Variants in NHERF1 observed in about 807,000 individuals in gnomAD.
NHERF1 encodes NHERF family PDZ scaffold protein 1.
chr17:74,749,256 C>T, the NHERF1 span: 1 of 1,529,428 alleles, frequency 6.5e-7, no homozygotes. This position sits in a 1 kb window ranked among gnomAD's most constrained non-coding sequence, Gnocchi z 5.6. Context: ...GAAAATGAGC[C>T]TCGCGAGGCC....
chr17:74,759,939 G>A, the NHERF1 span, among the ~76,000 whole-genome samples: 4 of 152,226 alleles, frequency 2.6e-5, no homozygotes, highest in Non-Finnish European at 5.9e-5. Context: ...AGGTTGTTAT[G>A]GGAAGGTTTT....
At chr17:74,768,377 G>C in the NHERF1 span, 1 of 1,490,652 alleles carries the variant, frequency 6.7e-7, no homozygotes, top group Non-Finnish European at 9.4e-7. Flanking sequence ...CCCTGGGCAC[G>C]GCCCCAACGG....
At chr17:74,765,302 C>A in the NHERF1 span, among the ~76,000 whole-genome samples, 1 of 151,934 alleles carries the variant, frequency 6.6e-6, no homozygotes, top group Non-Finnish European at 1.5e-5. Context: ...GCTCTGTCAC[C>A]CAGGCTGGAG....
chr17:74,768,515 G>A, the NHERF1 span: 118 of 1,613,992 alleles, frequency 7.3e-5, no homozygotes, highest in Admixed American at 2.0e-4. Flanking sequence ...CAGCGCCCTC[G>A]TCTACCTCCT....
At chr17:74,768,311 C>G in the NHERF1 span, 1 of 1,392,598 alleles carries the variant, frequency 7.2e-7, no homozygotes, top group African/African-American at 1.4e-5. Flanking sequence ...TCCTGGCACA[C>G]CAGCCTGCCT....
chr17:74,762,996 T>C, the NHERF1 span: 5 of 210,644 alleles, frequency 2.4e-5, no homozygotes, highest in Non-Finnish European at 4.8e-5. This position sits in a 1 kb window ranked among gnomAD's most constrained non-coding sequence, Gnocchi z 4.2. Context: ...CTCCCAAGAC[T>C]TCTCATTTTA....
the NHERF1 span, among the ~76,000 whole-genome samples, chr17:74,756,273 C>CTTTCT: frequency 9.7e-5 from 7 of 71,992 alleles, no homozygotes; most frequent in South Asian, 5.7e-4. Flanking sequence ...TTCTTTCTTT[C>CTTTCT]TTTTTTTTTT....
the NHERF1 span, among the ~76,000 whole-genome samples, chr17:74,755,511 G>A: frequency 6.6e-6 from 1 of 152,238 alleles, no homozygotes; most frequent in African/African-American, 2.4e-5. Flanking sequence ...AAAAGGACAA[G>A]AGTTACAGAT....
At chr17:74,768,410 A>G in the NHERF1 span, 1 of 1,586,506 alleles carries the variant, frequency 6.3e-7, no homozygotes, top group Non-Finnish European at 8.7e-7. Context: ...AAGGCTGAGG[A>G]CCAGGGAGCC....
chr17:74,768,084 C>T, the NHERF1 span: 2 of 1,136,816 alleles, frequency 1.8e-6, no homozygotes, highest in Non-Finnish European at 2.7e-6. Flanking sequence ...CAGGAGCTCC[C>T]TCCCTCCTCA....
the NHERF1 span, chr17:74,749,114 G>C: frequency 1.9e-6 from 3 of 1,578,696 alleles, no homozygotes; most frequent in South Asian, 3.4e-5. The surrounding 1 kb of genome is among the most constrained non-coding windows in gnomAD (Gnocchi z 5.6). Context: ...GCGCCTGCTG[G>C]TGGTCGACCC....
chr17:74,763,893 G>A, the NHERF1 span, among the ~76,000 whole-genome samples: 1 of 152,258 alleles, frequency 6.6e-6, no homozygotes, highest in Non-Finnish European at 1.5e-5. Flanking sequence ...ACTCCGGGGA[G>A]GCCTCCAGCC....
At chr17:74,756,721 A>T in the NHERF1 span, among the ~76,000 whole-genome samples, 6 of 151,986 alleles carry the variant, frequency 3.9e-5, no homozygotes, top group Non-Finnish European at 8.8e-5. Context: ...TGAGCAACTG[A>T]CTCCAGCTTT....
chr17:74,766,342 G>A, the NHERF1 span, among the ~76,000 whole-genome samples: 3 of 151,898 alleles, frequency 2.0e-5, no homozygotes, highest in African/African-American at 4.8e-5. Context: ...GATTACAGGC[G>A]TGTGCCACCA....
At chr17:74,749,124 C>A in the NHERF1 span, 1 of 1,571,082 alleles carries the variant, frequency 6.4e-7, no homozygotes, top group Non-Finnish European at 8.6e-7. The surrounding 1 kb of genome is among the most constrained non-coding windows in gnomAD (Gnocchi z 5.6). Context: ...GTGGTCGACC[C>A]CGAGACGGAC....
chr17:74,763,415 G>A, the NHERF1 span: 36 of 1,614,050 alleles, frequency 2.2e-5, no homozygotes, highest in African/African-American at 1.2e-4. Context: ...CGTGGTGTCC[G>A]CCATCAGGGC....
chr17:74,749,018 C>T, the NHERF1 span: 2 of 1,605,356 alleles, frequency 1.2e-6, no homozygotes, highest in East Asian at 2.2e-5. The surrounding 1 kb of genome is among the most constrained non-coding windows in gnomAD (Gnocchi z 5.6). Context: ...GGCGGGGGAC[C>T]GGCTGGTGGA....
chr17:74,752,702 C>G, the NHERF1 span, among the ~76,000 whole-genome samples: 1 of 152,192 alleles, frequency 6.6e-6, no homozygotes, highest in Non-Finnish European at 1.5e-5. Context: ...CCGTGTTGCC[C>G]AGGCTGGTCT....
At chr17:74,755,354 A>G in the NHERF1 span, among the ~76,000 whole-genome samples, 2 of 152,116 alleles carry the variant, frequency 1.3e-5, no homozygotes, top group African/African-American at 4.8e-5. Flanking sequence ...GTAACCAAGT[A>G]TCTACCCCCG....
Sources: gnomAD v4.1 joint callset for allele counts (sites outside exome capture counted in the v4.1 genomes callset) on GRCh38, gnomAD v4.1.1 for gene constraint, Gnocchi (gnomAD v3.1) non-coding constraint, MANE v1.5 for transcripts, NCBI Gene and HGNC (gene_info 2026-07-23, HGNC 2026-07-21) for gene names.